IMMP2L: variants seen among roughly 807,000 people sequenced by gnomAD.
IMMP2L encodes the protein inner mitochondrial membrane peptidase subunit 2.
A neutral mutation model predicts 19.3 loss-of-function variants in IMMP2L; 18 were observed. The observed-to-expected ratio is 0.93, with a 90% confidence interval of 0.64 to 1.38. The LOEUF (loss-of-function observed/expected upper bound fraction) is 1.38. Among genes scored for constraint, IMMP2L ranks in the 40% most tolerant of loss-of-function variants. The probability of loss-of-function intolerance (pLI) is 0.00; values close to 1 mark genes in which losing one functional copy is unlikely to be tolerated. For missense variants in IMMP2L, 233 were observed against 218.2 expected, an observed-to-expected ratio of 1.07 and a Z score of -0.43; for synonymous variants, 76 against 73.0, an observed-to-expected ratio of 1.04 and a Z score of -0.21.
intron 3 of IMMP2L, among the ~76,000 whole-genome samples, chr7:111,318,490 T>C (rs1824344404): frequency 6.6e-6 from 1 of 152,154 alleles, no homozygotes; most frequent in Non-Finnish European, 1.5e-5. Context: ...GAAATCATCA[T>C]CATCATTAAG....
chr7:110,842,753 T>G (rs1380204222), intron 5 of IMMP2L, among the ~76,000 whole-genome samples: 2 of 152,186 alleles, frequency 1.3e-5, no homozygotes, highest in Non-Finnish European at 2.9e-5. Flanking sequence ...CAAAGGAATT[T>G]TCTTAGGAAT....
At chr7:110,864,056 G>C (rs887817056) in intron 5 of IMMP2L, among the ~76,000 whole-genome samples, 3 of 152,060 alleles carry the variant, frequency 2.0e-5, no homozygotes, top group African/African-American at 7.2e-5. Flanking sequence ...GAAAAAGATA[G>C]TTATGTAGGA....
intron 3 of IMMP2L, among the ~76,000 whole-genome samples, chr7:111,173,227 T>C (rs949448952): frequency 6.6e-6 from 1 of 151,646 alleles, no homozygotes; most frequent in Admixed American, 6.6e-5. Flanking sequence ...GATGATGACA[T>C]CTAAAACCTC....
chr7:111,556,761 T>A (rs13222239), intron 1 of IMMP2L, among the ~76,000 whole-genome samples: 118,486 of 151,916 alleles, frequency 0.78, 47,848 homozygotes, highest in East Asian at 0.97. Flanking sequence ...TCTATACAAT[T>A]CCTCTATGTA....
intron 3 of IMMP2L, among the ~76,000 whole-genome samples, chr7:111,174,224 T>C (rs1391354416): frequency 6.6e-6 from 1 of 151,718 alleles, no homozygotes; most frequent in Non-Finnish European, 1.5e-5. Context: ...TGAACAACTC[T>C]AAAAGTTTCA....
At chr7:111,020,919 A>T (rs367672510) in intron 3 of IMMP2L, among the ~76,000 whole-genome samples, 4 of 152,170 alleles carry the variant, frequency 2.6e-5, no homozygotes, top group Admixed American at 6.6e-5. Flanking sequence ...TTTCAAAGGG[A>T]TCTAAAAAAA....
chr7:110,670,701 A>C (rs936209364), intron 5 of IMMP2L, among the ~76,000 whole-genome samples: 101 of 151,360 alleles, frequency 6.7e-4, no homozygotes, highest in African/African-American at 2.3e-3. Context: ...AAAAAAAAAA[A>C]AAACAAAAAA....
chr7:110,895,240 C>G (rs1047171818), intron 4 of IMMP2L, among the ~76,000 whole-genome samples: 6 of 152,208 alleles, frequency 3.9e-5, no homozygotes, highest in Non-Finnish European at 5.9e-5. Flanking sequence ...AAAGATCTGC[C>G]CCCATAATTC....
At chr7:111,125,047 C>A in intron 3 of IMMP2L, 1 of 610,694 alleles carries the variant, frequency 1.6e-6, no homozygotes, top group Non-Finnish European at 2.8e-6. Flanking sequence ...TTCACCAATG[C>A]TGCTCCTGAC....
chr7:111,539,282 C>T (rs1019183728), intron 1 of IMMP2L, among the ~76,000 whole-genome samples: 2 of 150,292 alleles, frequency 1.3e-5, no homozygotes, highest in African/African-American at 4.9e-5. Flanking sequence ...GAACATACGT[C>T]GATTACTACA....
At chr7:111,272,674 G>A (rs542219537) in intron 3 of IMMP2L, among the ~76,000 whole-genome samples, 1 of 152,262 alleles carries the variant, frequency 6.6e-6, no homozygotes, top group African/African-American at 2.4e-5. Flanking sequence ...GAAAAGAGCT[G>A]ACCAAGTTCA....
At chr7:111,189,412 G>T (rs1017776594) in intron 3 of IMMP2L, among the ~76,000 whole-genome samples, 2 of 148,388 alleles carry the variant, frequency 1.3e-5, no homozygotes, top group Non-Finnish European at 3.0e-5. Context: ...TGCCAGAAAA[G>T]AAATTAGCTT....
intron 4 of IMMP2L, among the ~76,000 whole-genome samples, chr7:110,895,077 C>T (rs971080166): frequency 5.9e-5 from 9 of 152,180 alleles, no homozygotes; most frequent in African/African-American, 2.2e-4. Flanking sequence ...TAAAGTTCCA[C>T]GTGGCTCGGG....
rs559219600 is a variant in IMMP2L at position 110,945,941 on chromosome 7, C to T, written c.305+17559G>A. ...GAGACAGTGGCAGCTCACTTGAAGA[C>T]GACTTTGAGATTTGTGATCTAGAAT... On this transcript the variant is annotated intron_variant, in intron 4 of 5. Coordinates refer to ENST00000405709, the MANE Select transcript of IMMP2L (RefSeq NM_032549.4). Among the ~76,000 whole-genome samples, 80 of 152,218 alleles carry T rather than the reference C, an allele frequency of 5.3e-4. 1 individual carries two copies. The highest frequency in any genetic ancestry group is 1.9e-3 in the African/African-American group (77 of 41,534).
intron 5 of IMMP2L, among the ~76,000 whole-genome samples, chr7:110,729,892 TC>T (rs906204846): frequency 6.6e-6 from 1 of 151,920 alleles, no homozygotes; most frequent in Non-Finnish European, 1.5e-5. Context: ...AACCTGCACA[TC>T]CTGCACATGT....
In IMMP2L at chr7:110,784,065, A is replaced by T. The variant is rs147209010; in HGVS notation, c.408+102528T>A. The stretch of plus-strand genomic sequence containing the variant: ...AGTGGGTCATGCAAGAACCCACAAT[A>T]AAAGAATTACTCTCCAATTTGCCCT... On this transcript the variant is annotated intron_variant, in intron 5 of 5. Transcript: ENST00000405709. Among the ~76,000 whole-genome samples, 3 of 152,058 alleles carry T rather than the reference A, an allele frequency of 2.0e-5. No individual in the cohort carries two copies. In the East Asian group the frequency reaches 5.8e-4, roughly 30 times the overall value.
At chr7:111,219,102 TTGA>T (rs1262524069) in intron 3 of IMMP2L, among the ~76,000 whole-genome samples, 2 of 152,014 alleles carry the variant, frequency 1.3e-5, no homozygotes, top group African/African-American at 4.8e-5. Flanking sequence ...AAATCAACTA[TTGA>T]TGTATGTTAT....
Position 111,374,852 on chromosome 7 carries a change from G to A in IMMP2L, c.239+112386C>T, listed in dbSNP as rs566655233. Among the ~76,000 whole-genome samples, 14 of 152,132 alleles carry A rather than the reference G, an allele frequency of 9.2e-5. 1 individual carries two copies. Among genetic ancestry groups the A allele is most frequent in the East Asian group, 1.9e-4 (1 of 5,200 alleles). On this transcript the variant is annotated intron_variant, in intron 3 of 5. Coordinates refer to ENST00000405709, the MANE Select transcript of IMMP2L (RefSeq NM_032549.4). ...TGTTAGCTACAGCTATCACATTGCT[G>A]AGGGAAAGTTACATTAAATCAGGGA...
At chr7:111,349,482 A>C (rs1399694019) in intron 3 of IMMP2L, among the ~76,000 whole-genome samples, 2 of 152,196 alleles carry the variant, frequency 1.3e-5, no homozygotes, top group Admixed American at 1.3e-4. Flanking sequence ...GTTAATTTAC[A>C]TCAGGTGCCT....
Sources: gnomAD v4.1 joint callset for allele counts (sites outside exome capture counted in the v4.1 genomes callset) on GRCh38, gnomAD v4.1.1 for gene constraint, MANE v1.5 for transcripts, NCBI Gene and HGNC (gene_info 2026-07-23, HGNC 2026-07-21) for gene names.